The following BICDL1 variants were observed in gnomAD, a reference collection of about 807,000 sequenced individuals.
The protein encoded by BICDL1 is BICD family like cargo adaptor 1.
A neutral mutation model predicts 76.8 loss-of-function variants in BICDL1; 20 were observed. The ratio of observed to expected loss-of-function variants is 0.26; its 90% confidence interval spans 0.18 to 0.38. The LOEUF (loss-of-function observed/expected upper bound fraction) is 0.38. BICDL1 is among the 10% of genes least tolerant of loss of function. The pLI is 1.00. For missense variants in BICDL1, 700 were observed against 798.6 expected (o/e 0.88, Z 1.49); for synonymous variants, 383 against 337.1 (o/e 1.14, Z -1.49).
chr12:120,039,252 G>A (rs771821974), intron 2 of BICDL1, among the ~76,000 whole-genome samples: 24 of 152,134 alleles, frequency 1.6e-4, no homozygotes, highest in Middle Eastern at 3.4e-3. Context: ...AGCCAAGATA[G>A]CGCCACTGCA....
intron 2 of BICDL1, among the ~76,000 whole-genome samples, chr12:120,023,682 C>T (rs1952228699): frequency 6.6e-6 from 1 of 151,804 alleles, no homozygotes; most frequent in Non-Finnish European, 1.5e-5. Context: ...CCCAGCTACT[C>T]AGGAGGCTGA....
At chr12:120,091,150 C>T (rs1874927244) in intron 9 of BICDL1, 2 of 1,214,340 alleles carry the variant, frequency 1.6e-6, no homozygotes, top group African/African-American at 3.2e-5. Context: ...TGTGACATGC[C>T]CTCAAGTCCC....
At chr12:120,020,073 T>C (rs561340908) in intron 2 of BICDL1, among the ~76,000 whole-genome samples, 1 of 152,352 alleles carries the variant, frequency 6.6e-6, no homozygotes, top group African/African-American at 2.4e-5. Context: ...AATGAAATAC[T>C]AGTTAGTAGT....
rs1489073914 is a variant in BICDL1 at position 119,989,982 on chromosome 12, C to A, written c.114C>A (p.Ala38=). 2 of 1,468,952 alleles carry A rather than the reference C, an allele frequency of 1.4e-6. No homozygotes were observed. The highest frequency in any genetic ancestry group is 3.0e-5 in the African/African-American group (2 of 67,738). 91.0% of individuals were successfully genotyped at this position (1,468,952 alleles called of 1,614,324 possible). The part of the protein sequence containing the change: ...AAAGDAVRSP[A]AAAALIFPGG... ...CCGGGGACGCAGTCCGGAGTCCCGC[C>A]GCCGCCGCCGCCCTCATCTTCCCCG... Residue 38 remains alanine, a synonymous_variant, in exon 1 of 10, where the codon GCC becomes GCA. Coordinates refer to ENST00000548673, the MANE Select transcript of BICDL1 (RefSeq NM_001367886.1).
chr12:119,995,203 T>C (rs1951616419), intron 1 of BICDL1, among the ~76,000 whole-genome samples: 1 of 152,212 alleles, frequency 6.6e-6, no homozygotes, highest in African/African-American at 2.4e-5. Flanking sequence ...CCTAGAGTTT[T>C]CTGGTTAATT....
intron 2 of BICDL1, among the ~76,000 whole-genome samples, chr12:120,037,777 A>G (rs778811428): frequency 2.0e-5 from 3 of 152,230 alleles, no homozygotes; most frequent in Admixed American, 6.5e-5. Context: ...CCTGGTCTAC[A>G]TAATACATTC....
At chr12:120,032,471 A>G (rs1952442339) in intron 2 of BICDL1, among the ~76,000 whole-genome samples, 1 of 152,208 alleles carries the variant, frequency 6.6e-6, no homozygotes, top group Non-Finnish European at 1.5e-5. Context: ...AATTAATTCC[A>G]TGAAGGCTTT....
In BICDL1 at chr12:120,081,634, C is replaced by G. The variant is rs1006413784; in HGVS notation, c.1583+617C>G. Among the ~76,000 whole-genome samples the G allele has an allele frequency of 1.7e-4, 26 of 152,090 alleles. No homozygotes were observed. In the South Asian group the frequency reaches 4.4e-3, roughly 26 times the overall value. On this transcript the variant is annotated intron_variant, in intron 8 of 9. Coordinates refer to ENST00000548673, the MANE Select transcript of BICDL1 (RefSeq NM_001367886.1). ...AAAGTGCTGAGATTACAGGCGTGAGCCACCACACCCGGCCTCCAGTTTTAT... is the reference window on the plus strand; with the variant it reads ...AAAGTGCTGAGATTACAGGCGTGAGGCACCACACCCGGCCTCCAGTTTTAT...
intron 2 of BICDL1, among the ~76,000 whole-genome samples, chr12:120,041,869 A>AT (rs1952649509): frequency 6.6e-6 from 1 of 152,194 alleles, no homozygotes; most frequent in African/African-American, 2.4e-5. Context: ...CTGAGATAAG[A>AT]TTGGGATGCA....
At chr12:120,077,642 C>T (rs545498327) in intron 7 of BICDL1, among the ~76,000 whole-genome samples, 3 of 152,300 alleles carry the variant, frequency 2.0e-5, no homozygotes, top group Admixed American at 2.0e-4. Context: ...AGCCTGTGGG[C>T]TTCACTCGCC....
chr12:120,073,937 T>G (rs990633671), intron 6 of BICDL1, among the ~76,000 whole-genome samples: 8 of 152,214 alleles, frequency 5.3e-5, no homozygotes, highest in Admixed American at 3.9e-4. Flanking sequence ...TTTGTTTTTT[T>G]GAGACGGAGT....
In BICDL1 at chr12:120,093,485, C is replaced by G. The variant is rs573133626; in HGVS notation, c.*324C>G. ...GTTGGGCTTTGCAGCTCACACCCAA[C>G]AGATCGCAGCCCACCCCCAGGCACT... is the stretch of plus-strand genomic sequence containing the variant. On this transcript the variant is annotated 3_prime_UTR_variant, in exon 10 of 10. Transcript: ENST00000548673. 3.1e-6 allele frequency: 1 copy of G among 319,010 alleles called. No homozygotes were observed. The highest frequency in any genetic ancestry group is 4.6e-5 in the Admixed American group (1 of 21,664). 19.8% of individuals were successfully genotyped at this position (319,010 alleles called of 1,614,324 possible).
chr12:120,044,619 A>G (rs1952710078), intron 2 of BICDL1, among the ~76,000 whole-genome samples: 1 of 152,214 alleles, frequency 6.6e-6, no homozygotes, highest in African/African-American at 2.4e-5. Context: ...TCAGCTTTCT[A>G]CATATGGCTA....
At chr12:120,009,292 G>C (rs1951909286) in intron 2 of BICDL1, among the ~76,000 whole-genome samples, 1 of 152,108 alleles carries the variant, frequency 6.6e-6, no homozygotes, top group South Asian at 2.1e-4. Flanking sequence ...GGCTGAGCCT[G>C]TTCTTAATTA....
chr12:120,086,508 C>G (rs1425647786), intron 8 of BICDL1, among the ~76,000 whole-genome samples: 1 of 152,166 alleles, frequency 6.6e-6, no homozygotes, highest in African/African-American at 2.4e-5. Flanking sequence ...TGGGTGGGGC[C>G]CACTTCTTTC....
chr12:120,090,826 G>T (rs944329427), intron 9 of BICDL1: 1 of 1,229,316 alleles, frequency 8.1e-7, no homozygotes, highest in African/African-American at 1.5e-5. Context: ...CAGGGTGCCC[G>T]TCCCTGGCTC....
rs1042750587 is a variant in BICDL1 at position 120,019,288 on chromosome 12, G to A, written c.645+20552G>A. ...AAAAAAAAAAAGTCTATCTGGCTTA[G>A]TGAATTGTAACTGCATTTGTACTGT... On this transcript the variant is annotated intron_variant, in intron 2 of 9. Coordinates refer to ENST00000548673, the MANE Select transcript of BICDL1 (RefSeq NM_001367886.1). 5.3e-5 allele frequency: 8 copies of A among 151,928 alleles called. No homozygotes were observed. In the East Asian group the frequency reaches 9.6e-4, roughly 18 times the overall value. 9.4% of individuals were successfully genotyped at this position (151,928 alleles called of 1,614,324 possible).
intron 7 of BICDL1, chr12:120,080,600 G>T: frequency 3.7e-6 from 1 of 267,700 alleles, no homozygotes; most frequent in Non-Finnish European, 7.5e-6. Flanking sequence ...GGAGGAGGTA[G>T]TATGCCGTGC....
intron 7 of BICDL1, among the ~76,000 whole-genome samples, chr12:120,074,964 A>G: frequency 6.6e-6 from 1 of 152,236 alleles, no homozygotes; most frequent in Non-Finnish European, 1.5e-5. Flanking sequence ...TTTACAGCAC[A>G]GTTCCCTTTT....
Sources: gnomAD v4.1 joint callset for allele counts (sites outside exome capture counted in the v4.1 genomes callset) on GRCh38, gnomAD v4.1.1 for gene constraint, MANE v1.5 for transcripts, NCBI Gene and HGNC (gene_info 2026-07-23, HGNC 2026-07-21) for gene names.